DMD: variants seen among roughly 807,000 people sequenced by gnomAD.
DMD encodes mutant dystrophin.
A neutral mutation model predicts 330.1 loss-of-function variants in DMD; 63 were observed. The ratio of observed to expected loss-of-function variants is 0.19; its 90% CI spans 0.16 to 0.24. The LOEUF (loss-of-function observed/expected upper bound fraction) is 0.24, where lower values mean the gene tolerates loss of function less well. DMD is among the 10% of genes least tolerant of loss of function. The pLI, the probability that DMD is intolerant of heterozygous loss-of-function variation, is 1.00. For synonymous variants in DMD, 1,223 were observed against 959.8 expected, an observed-to-expected ratio of 1.27 and a Z score of -5.07; for missense variants, 3,344 against 2,684.1, an observed-to-expected ratio of 1.25 and a Z score of -5.43.
upstream of DMD, among the ~76,000 whole-genome samples, chrX:33,213,092 C>T (rs781121839): frequency 1.3e-4 from 15 of 111,455 alleles, no homozygotes; most frequent in East Asian, 2.8e-3. Context: ...CAAGTTGACA[C>T]GAGACCTCAA....
chrX:32,990,100 T>A (rs1201325479), intron 2 of DMD, among the ~76,000 whole-genome samples: 1 of 112,184 alleles, frequency 8.9e-6, no homozygotes, highest in Non-Finnish European at 1.9e-5. Context: ...ACACATGGAA[T>A]CTCCAAAATG....
chrX:32,803,326 T>C (rs1333199194), intron 7 of DMD, among the ~76,000 whole-genome samples: 5 of 111,614 alleles, frequency 4.5e-5, no homozygotes, highest in Non-Finnish European at 7.5e-5. Flanking sequence ...CCCTTTATCA[T>C]TTTTTACTGT....
At position 33,107,298 on chromosome X, in the gene DMD, G is replaced by GAA. The variant is rs2095297238; in HGVS notation, c.32-87099_32-87098insTT. On this transcript the variant is annotated intron_variant, in intron 1 of 78. Coordinates refer to ENST00000357033, the MANE Select transcript of DMD (RefSeq NM_004006.3). ...TTGCACTCCAGCCTCGGCAACAAGA[G>GAA]CGAAGCTCTGTCCCCCCCCCCCCCC... Among the ~76,000 whole-genome samples the GAA allele has an allele frequency of 5.3e-5, 4 of 74,855 alleles. No individual in the cohort carries two copies. In the Admixed American group the frequency reaches 7.8e-4, roughly 15 times the overall value. The allele number at this position is 74,855 out of a possible 115,157, so 65.0% of individuals were successfully genotyped here. A position where few individuals can be genotyped will look rare whatever the true frequency, so the allele number is the denominator to read the frequency against.
chrX:33,243,677 A>G (rs2052622863), intron 1 of DMD, among the ~76,000 whole-genome samples: 1 of 112,498 alleles, frequency 8.9e-6, no homozygotes. Flanking sequence ...AATGTGGTAT[A>G]TATACACAAT....
At chrX:32,698,047 A>C in intron 8 of DMD, 49 bp from the exon 9 acceptor site, 1 of 1,146,813 alleles carries the variant, frequency 8.7e-7, no homozygotes, top group South Asian at 1.9e-5. Context: ...GGGAAAAACC[A>C]TAAGTAACCC....
At chrX:33,015,984 C>T (rs1258914176) in intron 2 of DMD, among the ~76,000 whole-genome samples, 1 of 111,022 alleles carries the variant, frequency 9.0e-6, no homozygotes, top group African/African-American at 3.3e-5. Flanking sequence ...ATAGAGCCAG[C>T]GCCCTTAAAC....
intron 52 of DMD, among the ~76,000 whole-genome samples, chrX:31,717,070 A>G (rs1011217535): frequency 3.6e-5 from 4 of 111,456 alleles, no homozygotes; most frequent in Non-Finnish European, 7.5e-5. Context: ...TAATAAGGAC[A>G]ATATCTACCA....
chrX:32,544,497 G>A (rs188393306), intron 17 of DMD, among the ~76,000 whole-genome samples: 3 of 111,407 alleles, frequency 2.7e-5, no homozygotes, highest in African/African-American at 9.8e-5. Flanking sequence ...TAATTTTTAT[G>A]CCAGCTTTGC....
At chrX:32,727,834 C>T (rs1413621457) in intron 7 of DMD, among the ~76,000 whole-genome samples, 1 of 110,858 alleles carries the variant, frequency 9.0e-6, no homozygotes, top group Non-Finnish European at 1.9e-5. Context: ...TGCTGTAAAA[C>T]ATGATTACTA....
chrX:31,474,387 A>C (rs998774942), intron 59 of DMD, among the ~76,000 whole-genome samples: 3 of 110,818 alleles, frequency 2.7e-5, no homozygotes, highest in African/African-American at 9.9e-5. Flanking sequence ...AGGGGTAAGG[A>C]AAATGAACTG....
In DMD at chrX:32,328,822, A is replaced by G. The variant is rs182251532; in HGVS notation, c.5922+13278T>C. ...TACCTCCAAAACTGTTGAAACCCATAATTTTGAAAGAAAGGACAATTCTTG... is the reference window on the plus strand; with the variant it reads ...TACCTCCAAAACTGTTGAAACCCATGATTTTGAAAGAAAGGACAATTCTTG... On this transcript the variant is annotated intron_variant, in intron 41 of 78. Coordinates refer to ENST00000357033, the MANE Select transcript of DMD (RefSeq NM_004006.3). Among the ~76,000 whole-genome samples, 94 of 111,778 alleles carry G rather than the reference A, an allele frequency of 8.4e-4. 1 individual carries two copies. The East Asian group carries it at 0.025, about 29-fold the overall frequency.
intron 1 of DMD, among the ~76,000 whole-genome samples, chrX:33,304,894 G>A (rs1463982357): frequency 8.7e-5 from 9 of 103,307 alleles, no homozygotes; most frequent in Middle Eastern, 9.6e-3. Flanking sequence ...TTAGAATGGC[G>A]ATCATTAAAA....
intron 2 of DMD, among the ~76,000 whole-genome samples, chrX:33,005,347 A>G (rs1045276357): frequency 9.1e-6 from 1 of 109,462 alleles, no homozygotes; most frequent in African/African-American, 3.3e-5. Context: ...GTTTTATATT[A>G]AATGTACTTT....
intron 2 of DMD, among the ~76,000 whole-genome samples, chrX:32,903,509 TAC>T (rs772363041): frequency 1.2e-4 from 13 of 111,152 alleles, no homozygotes; most frequent in Admixed American, 3.9e-4. Flanking sequence ...AGCTGAGCAT[TAC>T]AGTTACCCAG....
chrX:32,963,422 C>T lies in DMD; in HGVS notation c.93+56717G>A, dbSNP rs556548390. On this transcript the variant is annotated intron_variant, in intron 2 of 78. Transcript: ENST00000357033. ...CATAGCTATGAAAGTCTTGATGATGCCAATGCTAGGCATCCAAATTTGCAG... is the reference window on the plus strand; with the variant it reads ...CATAGCTATGAAAGTCTTGATGATGTCAATGCTAGGCATCCAAATTTGCAG... Among the ~76,000 whole-genome samples the T allele has an allele frequency of 1.2e-4, 13 of 111,709 alleles. No individual in the cohort carries two copies. The South Asian group carries it at 4.1e-3, about 35-fold the overall frequency.
At chrX:31,561,088 G>A (rs1463130957) in intron 55 of DMD, among the ~76,000 whole-genome samples, 1 of 111,873 alleles carries the variant, frequency 8.9e-6, no homozygotes. Flanking sequence ...ATGAATTTGT[G>A]GCAATCTTGT....
chrX:32,121,708 C>A (rs2146774093), intron 44 of DMD, among the ~76,000 whole-genome samples: 1 of 85,009 alleles, frequency 1.2e-5, no homozygotes. Context: ...CTGCGGAGAG[C>A]AGAAGGGCAT....
chrX:32,313,031 C>T (rs903444789), intron 41 of DMD, among the ~76,000 whole-genome samples: 2 of 104,911 alleles, frequency 1.9e-5, no homozygotes, highest in Non-Finnish European at 3.9e-5. Flanking sequence ...GTACCATTCC[C>T]TCTAAAACTA....
At chrX:32,068,373 CA>C (rs1481417238) in intron 44 of DMD, among the ~76,000 whole-genome samples, 7 of 60,456 alleles carry the variant, frequency 1.2e-4, no homozygotes, top group African/African-American at 5.4e-4. Flanking sequence ...CCTTGCTTGT[CA>C]TTTTTTTTTT....
Sources: gnomAD v4.1 joint callset for allele counts (sites outside exome capture counted in the v4.1 genomes callset) on GRCh38, gnomAD v4.1.1 for gene constraint, MANE v1.5 for transcripts, NCBI Gene and HGNC (gene_info 2026-07-23, HGNC 2026-07-21) for gene names.